ERBB4: variants seen among roughly 807,000 people sequenced by gnomAD.
The protein encoded by ERBB4 is erb-b2 receptor tyrosine kinase 4.
Under a neutral mutation model 158.0 loss-of-function variants are expected in ERBB4, and 42 were observed. That is an observed-to-expected ratio of 0.27 (90% CI 0.21 to 0.34). ERBB4 has a LOEUF of 0.34. Among genes scored for constraint, ERBB4 ranks in the 10% least tolerant of loss-of-function variants. The pLI is 1.00. For synonymous variants in ERBB4, 583 were observed against 558.7 expected (o/e 1.04, Z -0.61); for missense variants, 1,333 against 1,624.1 (o/e 0.82, Z 3.08).
At chr2:212,196,313 T>C (rs903589938) in intron 1 of ERBB4, among the ~76,000 whole-genome samples, 1 of 152,080 alleles carries the variant, frequency 6.6e-6, no homozygotes, top group Admixed American at 6.6e-5. Context: ...ATTCATTAAG[T>C]GGAAGCAGAT....
chr2:211,855,119 T>A (rs1189483497), intron 3 of ERBB4, among the ~76,000 whole-genome samples: 2 of 152,172 alleles, frequency 1.3e-5, no homozygotes, highest in Non-Finnish European at 2.9e-5. Flanking sequence ...AAGCTTTTCA[T>A]GTATACAGTG....
At chr2:211,714,939 G>C (rs1040273468) in intron 7 of ERBB4, among the ~76,000 whole-genome samples, 3 of 152,104 alleles carry the variant, frequency 2.0e-5, no homozygotes, top group Non-Finnish European at 4.4e-5. Flanking sequence ...CTGTGTGGGG[G>C]CTAAGAGAAG....
At chr2:211,763,548 C>G (rs1420246553) in intron 4 of ERBB4, among the ~76,000 whole-genome samples, 2 of 152,108 alleles carry the variant, frequency 1.3e-5, no homozygotes, top group Non-Finnish European at 2.9e-5. Context: ...GCTTCTTCAA[C>G]CCTGAGTACA....
intron 1 of ERBB4, among the ~76,000 whole-genome samples, chr2:212,492,553 G>A (rs1690337951): frequency 6.6e-6 from 1 of 151,248 alleles, no homozygotes; most frequent in Non-Finnish European, 1.5e-5. Flanking sequence ...AAAATAGTAT[G>A]GCCTATGTCT....
At chr2:212,513,399 C>T (rs1427923366) in intron 1 of ERBB4, among the ~76,000 whole-genome samples, 1 of 152,124 alleles carries the variant, frequency 6.6e-6, no homozygotes. Context: ...GTATTTACAG[C>T]GAGTGAAATG....
intron 1 of ERBB4, among the ~76,000 whole-genome samples, chr2:212,287,840 GGGAGTTAAA>G (rs2106169851): frequency 6.6e-6 from 1 of 152,210 alleles, no homozygotes; most frequent in African/African-American, 2.4e-5. Flanking sequence ...ACTTATAAGT[GGGAGTTAAA>G]TGATGAAAAC....
intron 20 of ERBB4, among the ~76,000 whole-genome samples, chr2:211,552,676 T>C (rs1355803645): frequency 1.3e-5 from 2 of 152,110 alleles, no homozygotes; most frequent in African/African-American, 4.8e-5. Context: ...GGTTTTAGGA[T>C]TTTGAAAGGT....
intron 1 of ERBB4, among the ~76,000 whole-genome samples, chr2:212,294,503 TA>T (rs1382295253): frequency 1.3e-5 from 2 of 152,012 alleles, no homozygotes; most frequent in Non-Finnish European, 2.9e-5. Context: ...AAATTATATA[TA>T]CAAAACTGTA....
intron 1 of ERBB4, among the ~76,000 whole-genome samples, chr2:212,459,846 A>G (rs1037138605): frequency 9.2e-5 from 14 of 152,200 alleles, no homozygotes; most frequent in African/African-American, 3.1e-4. Context: ...GAGAAAGGAC[A>G]ATCTTTTCAA....
intron 20 of ERBB4, among the ~76,000 whole-genome samples, chr2:211,482,821 C>T (rs62178796): frequency 0.038 from 5,755 of 152,242 alleles, 153 homozygotes; most frequent in Middle Eastern, 0.099. Flanking sequence ...AGGAGAATCG[C>T]TTGAACCTGG....
Position 212,234,668 on chromosome 2 carries a change from G to C in ERBB4, c.83-109765C>G, listed in dbSNP as rs545644749. Among the ~76,000 whole-genome samples, 6 of 152,172 alleles carry C rather than the reference G, an allele frequency of 3.9e-5. No individual in the cohort carries two copies. In the South Asian group the frequency reaches 1.2e-3, roughly 32 times the overall value. ...GTTGTTTCTTGACTTTTTCATGATC[G>C]CCATTCTAACTGGCATGAGATGGTA... On this transcript the variant is annotated intron_variant, in intron 1 of 27. Coordinates refer to ENST00000342788, the MANE Select transcript of ERBB4 (RefSeq NM_005235.3).
At chr2:212,229,975 G>C (rs1559797935) in intron 1 of ERBB4, among the ~76,000 whole-genome samples, 1 of 152,104 alleles carries the variant, frequency 6.6e-6, no homozygotes, top group Non-Finnish European at 1.5e-5. Context: ...TGCACAGAAT[G>C]AACAGAAATC....
chr2:211,487,470 TTAA>T (rs1407318980), intron 20 of ERBB4, among the ~76,000 whole-genome samples: 3 of 152,112 alleles, frequency 2.0e-5, no homozygotes, highest in Non-Finnish European at 4.4e-5. Flanking sequence ...GAATTAACTA[TTAA>T]TAAATATTTT....
chr2:211,892,198 GCTTATCCA>G (rs1419460717), intron 3 of ERBB4, among the ~76,000 whole-genome samples: 2 of 109,828 alleles, frequency 1.8e-5, no homozygotes, highest in African/African-American at 8.5e-5. Flanking sequence ...ACATCAAAAA[GCTTATCCA>G]CCATGATCAA....
intron 1 of ERBB4, among the ~76,000 whole-genome samples, chr2:212,129,268 T>G (rs1575674696): frequency 6.6e-6 from 1 of 151,638 alleles, no homozygotes; most frequent in Admixed American, 6.6e-5. Context: ...ATAATCTAAA[T>G]GAAAATGTTC....
Position 212,243,461 on chromosome 2 carries a change from C to T in ERBB4, c.83-118558G>A, listed in dbSNP as rs373398116. ...CATATAAAGAAAAAGAAAAGCCTAT[C>T]ATATCTGTAAATTTTTAGCTTTTTA... On this transcript the variant is annotated intron_variant, in intron 1 of 27. Transcript: ENST00000342788. Among the ~76,000 whole-genome samples the T allele has an allele frequency of 1.1e-4, 16 of 152,266 alleles. No homozygotes were observed. The East Asian group carries it at 3.1e-3, about 29-fold the overall frequency.
intron 20 of ERBB4, among the ~76,000 whole-genome samples, chr2:211,560,628 T>C (rs1559296198): frequency 6.6e-6 from 1 of 152,176 alleles, no homozygotes; most frequent in African/African-American, 2.4e-5. Context: ...TAAGTTCTAT[T>C]GCATATTTAA....
intron 2 of ERBB4, among the ~76,000 whole-genome samples, chr2:212,013,803 T>A (rs761135600): frequency 7.9e-5 from 12 of 152,220 alleles, no homozygotes; most frequent in Non-Finnish European, 1.6e-4. Flanking sequence ...ATTACAGGCA[T>A]GCACCATCAT....
intron 3 of ERBB4, among the ~76,000 whole-genome samples, chr2:211,933,208 ACGACATG>A (rs1417416254): frequency 6.6e-6 from 1 of 152,104 alleles, no homozygotes; most frequent in Non-Finnish European, 1.5e-5. Flanking sequence ...ATTTATCATT[ACGACATG>A]CAATTTCTAA....
Sources: allele counts gnomAD v4.1 joint callset (sites outside exome capture counted in the v4.1 genomes callset), GRCh38; gene constraint gnomAD v4.1.1; transcripts MANE v1.5; gene names NCBI Gene and HGNC (gene_info 2026-07-23, HGNC 2026-07-21).